ZFP41: variants seen among roughly 807,000 people sequenced by gnomAD.
ZFP41 encodes the protein zinc finger protein 41 homolog.
A neutral mutation model predicts 11.6 loss-of-function variants in ZFP41; 10 were observed. The ratio of observed to expected loss-of-function variants is 0.86; its 90% CI spans 0.53 to 1.47. The LOEUF is 1.47. ZFP41 is among the 40% of genes most tolerant of loss of function. The pLI, the probability that ZFP41 is intolerant of heterozygous loss-of-function variation, is 0.00. For missense variants in ZFP41, 302 were observed against 264.6 expected (o/e 1.14, Z -0.98); for synonymous variants, 123 against 100.9 (o/e 1.22, Z -1.31).
rs201248290 is a variant in ZFP41 at position 143,250,499 on chromosome 8, G to A, written c.*59G>A. 1.4e-3 allele frequency: 2,205 copies of A among 1,567,672 alleles called. 6 individuals are homozygous for A. The highest frequency in any genetic ancestry group is 7.0e-3 in the Middle Eastern group (38 of 5,438). On this transcript the variant is annotated 3_prime_UTR_variant, in exon 2 of 3. Transcript: ENST00000330701. ...GCGAGCCTCGCCGGACACCTGCTCC[G>A]TGGCTCCCTCGTGTCCCGCGTCTGA...
chr8:143,250,325 A>C lies in ZFP41; in HGVS notation c.482A>C (p.His161Pro). The C allele has an allele frequency of 6.2e-7, 1 of 1,614,022 alleles. No homozygotes were observed. The highest frequency in any genetic ancestry group is 1.1e-5 in the South Asian group (1 of 91,088). ...AFNCGSNLLK[H>P]QKTHTGEKPY... ...AACTGCGGCTCCAATCTCCTGAAACATCAGAAGACGCACACCGGGGAGAAG... is the reference window on the plus strand; with the variant it reads ...AACTGCGGCTCCAATCTCCTGAAACCTCAGAAGACGCACACCGGGGAGAAG... Residue 161 changes from histidine (H) to proline (P), a missense_variant, in exon 2 of 3, where the codon CAT (histidine) becomes CCT (proline). His to Pro is a moderately conservative substitution (Grantham distance 77). Coordinates refer to ENST00000330701, the MANE Select transcript of ZFP41 (RefSeq NM_173832.6).
In ZFP41 at chr8:143,254,124, G is replaced by A. The variant is rs138822115; in HGVS notation, c.*900+2784G>A. 3.4e-4 allele frequency among the ~76,000 whole-genome samples: 52 copies of A among 152,288 alleles called. No homozygotes were observed. In the East Asian group the frequency reaches 8.5e-3, roughly 25 times the overall value. ...CCCACTTCTAACAGGCCATGGACCCGTCTTGAGGTCAGGGACTCCTGCATT... is the reference window on the plus strand; with the variant it reads ...CCCACTTCTAACAGGCCATGGACCCATCTTGAGGTCAGGGACTCCTGCATT... On this transcript the variant is annotated intron_variant, in intron 2 of 2. Coordinates refer to ENST00000330701, the MANE Select transcript of ZFP41 (RefSeq NM_173832.6).
intron 2 of ZFP41, among the ~76,000 whole-genome samples, chr8:143,256,964 C>T (rs879921994): frequency 1.3e-5 from 2 of 152,244 alleles, no homozygotes; most frequent in Non-Finnish European, 2.9e-5. Context: ...ACCTCTGCTT[C>T]GGTGTCTTGT....
At chr8:143,252,459 G>A (rs959176392) in intron 2 of ZFP41, among the ~76,000 whole-genome samples, 12 of 152,220 alleles carry the variant, frequency 7.9e-5, no homozygotes, top group African/African-American at 2.4e-4. Context: ...TTCATCAGAC[G>A]TGTTGCCTGG....
At chr8:143,253,504 C>T (rs1475970643) in intron 2 of ZFP41, 1 of 152,242 alleles carries the variant, frequency 6.6e-6, no homozygotes, top group East Asian at 1.9e-4. Context: ...AGCAGGTCCC[C>T]ACCCTGCTGT....
chr8:143,257,315 A>C (rs1429048359), intron 2 of ZFP41, among the ~76,000 whole-genome samples: 2 of 152,240 alleles, frequency 1.3e-5, no homozygotes, highest in South Asian at 2.1e-4. Context: ...TAACATGGTG[A>C]AACCCCATTT....
intron 1 of ZFP41, 83 bp from the exon 2 acceptor site, chr8:143,249,607 G>A (rs1816756655): frequency 3.8e-6 from 2 of 529,294 alleles, no homozygotes; most frequent in Non-Finnish European, 6.3e-6. Context: ...GGAACACATG[G>A]GAAGGGAGGG....
At chr8:143,248,156 G>A (rs1421672818) in intron 1 of ZFP41, 1 of 152,202 alleles carries the variant, frequency 6.6e-6, no homozygotes, top group Non-Finnish European at 1.5e-5. Context: ...ATTTCTCAGG[G>A]TGGGCAGCGT....
intron 1 of ZFP41, 132 bp from the exon 2 acceptor site, chr8:143,249,558 T>C (rs1437507938): frequency 6.0e-6 from 2 of 335,470 alleles, no homozygotes; most frequent in Non-Finnish European, 5.4e-6. Flanking sequence ...CAGGTGGGGC[T>C]CCGGGGAGAT....
chr8:143,249,648 G>A (rs1324623158), intron 1 of ZFP41, 42 bp from the exon 2 acceptor site: 1 of 877,070 alleles, frequency 1.1e-6, no homozygotes, highest in African/African-American at 1.7e-5. Flanking sequence ...CCCCTGAAAG[G>A]CAAACCTTTA....
intron 2 of ZFP41, among the ~76,000 whole-genome samples, chr8:143,257,561 A>G (rs550264526): frequency 6.6e-6 from 1 of 152,356 alleles, no homozygotes; most frequent in Non-Finnish European, 1.5e-5. Flanking sequence ...GGAAACAGAC[A>G]CCATTGAGAG....
Position 143,250,742 on chromosome 8 carries a change from G to A in ZFP41, c.*302G>A. ...ATGGCGAACGGGGCTCAGCACCAGAGACCAGGGAGTATTCACTGCCATCCA... is the reference window on the plus strand; with the variant it reads ...ATGGCGAACGGGGCTCAGCACCAGAAACCAGGGAGTATTCACTGCCATCCA... On this transcript the variant is annotated 3_prime_UTR_variant, in exon 2 of 3. Transcript: ENST00000330701. 2.2e-6 allele frequency: 1 copy of A among 463,714 alleles called. No individual in the cohort carries two copies. Among genetic ancestry groups the A allele is most frequent in the East Asian group, 3.9e-5 (1 of 25,968 alleles). 28.7% of individuals were successfully genotyped at this position (463,714 alleles called of 1,614,324 possible). A position where few individuals can be genotyped will look rare whatever the true frequency, so the allele number is the denominator to read the frequency against.
At chr8:143,259,054 A>G (rs955213013) in intron 2 of ZFP41, among the ~76,000 whole-genome samples, 1 of 152,208 alleles carries the variant, frequency 6.6e-6, no homozygotes, top group African/African-American at 2.4e-5. Context: ...AGACACAACA[A>G]CGTTCATGGC....
chr8:143,257,556 CAG>C lies in ZFP41; in HGVS notation c.*901-2217_*901-2216del, dbSNP rs775932301. Among the ~76,000 whole-genome samples, 6 of 152,238 alleles carry C rather than the reference CAG, an allele frequency of 3.9e-5. No homozygotes were observed. In the South Asian group the frequency reaches 1.2e-3, roughly 32 times the overall value. On this transcript the variant is annotated intron_variant, in intron 2 of 2. Coordinates refer to ENST00000330701, the MANE Select transcript of ZFP41 (RefSeq NM_173832.6). ...CACTTATTAATACAATTAATGGAAA[CAG>C]ACACCATTGAGAGGACAAAAGAGCT...
chr8:143,256,177 G>C (rs549085209), intron 2 of ZFP41, among the ~76,000 whole-genome samples: 8 of 122,168 alleles, frequency 6.5e-5, no homozygotes, highest in Non-Finnish European at 9.9e-5. Context: ...CTCGCCCCGC[G>C]TGCTGGTGTT....
rs576204858 is a variant in ZFP41, at chr8:143,257,234, A to G, written c.*901-2541A>G. 2.6e-5 allele frequency among the ~76,000 whole-genome samples: 4 copies of G among 152,272 alleles called. No homozygotes were observed. The South Asian group carries it at 8.3e-4, about 32-fold the overall frequency. On this transcript the variant is annotated intron_variant, in intron 2 of 2. Coordinates refer to ENST00000330701, the MANE Select transcript of ZFP41 (RefSeq NM_173832.6). Reference sequence around the variant, plus strand: ...AGGCCAGGCACGGTGGCTCACGCCTATAATCCCAGCACTTTGGGAGGCCAA... The same window carrying G: ...AGGCCAGGCACGGTGGCTCACGCCTGTAATCCCAGCACTTTGGGAGGCCAA...
rs144051026 is a variant in ZFP41 at position 143,259,612 on chromosome 8, C to T, written c.*901-163C>T. On this transcript the variant is annotated intron_variant, in intron 2 of 2. Transcript: ENST00000330701. Reference sequence around the variant, plus strand: ...CACGCCCCCCACTGATCTTGAGGCCCCCCCGCCCCCAACCCTGGCCTCCGT... The same window carrying T: ...CACGCCCCCCACTGATCTTGAGGCCTCCCCGCCCCCAACCCTGGCCTCCGT... Among the ~76,000 whole-genome samples the T allele has an allele frequency of 3.2e-4, 49 of 151,790 alleles. 2 individuals carry two copies. The East Asian group carries it at 9.3e-3, about 29-fold the overall frequency.
At chr8:143,252,283 G>C (rs957875388) in intron 2 of ZFP41, among the ~76,000 whole-genome samples, 3 of 152,226 alleles carry the variant, frequency 2.0e-5, no homozygotes, top group African/African-American at 7.2e-5. Context: ...CCAGATGGCT[G>C]TAGGGCTCTC....
chr8:143,256,534 A>G (rs910084921), intron 2 of ZFP41, among the ~76,000 whole-genome samples: 23 of 152,246 alleles, frequency 1.5e-4, no homozygotes, highest in Admixed American at 1.4e-3. Flanking sequence ...TCTCCAAGGA[A>G]AAGATGAGAG....
Sources: gnomAD v4.1 joint callset for allele counts (sites outside exome capture counted in the v4.1 genomes callset) on GRCh38, gnomAD v4.1.1 for gene constraint, MANE v1.5 for transcripts, NCBI Gene and HGNC (gene_info 2026-07-23, HGNC 2026-07-21) for gene names.